CENPP: variants seen among roughly 807,000 people sequenced by gnomAD.
CENPP encodes centromere protein P.
CENPP carries 24 observed loss-of-function variants against 35.6 expected under a neutral mutation model. The ratio of observed to expected loss-of-function variants is 0.67; its 90% CI spans 0.49 to 0.95. CENPP has a LOEUF of 0.95. Among genes scored for constraint, CENPP ranks in the 40% least tolerant of loss-of-function variants. The pLI is 0.00. For synonymous variants in CENPP, 120 were observed against 125.5 expected, an observed-to-expected ratio of 0.96 and a Z score of 0.29; for missense variants, 332 against 345.3, an observed-to-expected ratio of 0.96 and a Z score of 0.31.
intron 4 of CENPP, among the ~76,000 whole-genome samples, chr9:92,371,877 T>A (rs1842012971): frequency 6.7e-6 from 1 of 149,734 alleles, no homozygotes; most frequent in Non-Finnish European, 1.5e-5. Context: ...GTTGTTTTTT[T>A]TTTTTTGAGA....
At chr9:92,417,744 G>T (rs1446438994) in intron 5 of CENPP, among the ~76,000 whole-genome samples, 3 of 151,968 alleles carry the variant, frequency 2.0e-5, no homozygotes, top group African/African-American at 7.3e-5. Flanking sequence ...TTTTGTGACA[G>T]TGTCTCCTCT....
At chr9:92,380,039 T>C (rs2130867693) in intron 5 of CENPP, among the ~76,000 whole-genome samples, 180 bp downstream of exon 5, 1 of 152,364 alleles carries the variant, frequency 6.6e-6, no homozygotes, top group Middle Eastern at 3.4e-3. Context: ...TACAAATCAG[T>C]GAACAATTTA....
chr9:92,575,001 G>T (rs1850245047), intron 5 of CENPP, among the ~76,000 whole-genome samples: 1 of 152,120 alleles, frequency 6.6e-6, no homozygotes, highest in Non-Finnish European at 1.5e-5. Context: ...TGGAAATCTG[G>T]ATATCCACAT....
At chr9:92,516,637 G>C (rs1367340293) in intron 5 of CENPP, 2 of 152,096 alleles carry the variant, frequency 1.3e-5, no homozygotes, top group Non-Finnish European at 2.9e-5. Context: ...GTATATCCAA[G>C]TTTATTTTTC....
intron 5 of CENPP, among the ~76,000 whole-genome samples, chr9:92,443,589 T>C (rs1456911557): frequency 6.6e-6 from 1 of 152,074 alleles, no homozygotes; most frequent in African/African-American, 2.4e-5. Flanking sequence ...AATATGGAAA[T>C]GCAAAGGACC....
chr9:92,539,550 C>T (rs560859935), intron 5 of CENPP, among the ~76,000 whole-genome samples: 74 of 151,974 alleles, frequency 4.9e-4, no homozygotes, highest in Non-Finnish European at 9.4e-4. Flanking sequence ...TTAAGTATAG[C>T]CTACTTACTA....
At chr9:92,366,240 A>G (rs1022727161) in intron 4 of CENPP, among the ~76,000 whole-genome samples, 3 of 151,980 alleles carry the variant, frequency 2.0e-5, no homozygotes, top group Non-Finnish European at 4.4e-5. Context: ...AAACTTATAT[A>G]TTTATGAATT....
At chr9:92,571,907 C>CTTTTTT (rs145507230) in intron 5 of CENPP, among the ~76,000 whole-genome samples, 4 of 127,144 alleles carry the variant, frequency 3.1e-5, no homozygotes, top group African/African-American at 3.1e-5. Context: ...TGCAACTCCT[C>CTTTTTT]TTTTTTTTTT....
At chr9:92,511,518 C>T (rs1847342589) in intron 5 of CENPP, among the ~76,000 whole-genome samples, 2 of 151,438 alleles carry the variant, frequency 1.3e-5, no homozygotes, top group Admixed American at 6.6e-5. Context: ...TTTCCCTCTT[C>T]TTCCCCAAGC....
At chr9:92,472,688 T>C (rs1207929609) in intron 5 of CENPP, among the ~76,000 whole-genome samples, 1 of 151,956 alleles carries the variant, frequency 6.6e-6, no homozygotes, top group East Asian at 1.9e-4. Context: ...AAAATAAAAT[T>C]GATACTTTCT....
At chr9:92,577,147 T>G (rs1387783914) in intron 5 of CENPP, among the ~76,000 whole-genome samples, 1 of 152,194 alleles carries the variant, frequency 6.6e-6, no homozygotes, top group East Asian at 1.9e-4. Flanking sequence ...TCTGTAAAAT[T>G]TGAAGATTCA....
At chr9:92,401,225 G>A (rs1564300975) in intron 5 of CENPP, 1 of 888,148 alleles carries the variant, frequency 1.1e-6, no homozygotes, top group Non-Finnish European at 1.9e-6. Context: ...GCTTCATTAA[G>A]TCTGTGTTTC....
intron 5 of CENPP, among the ~76,000 whole-genome samples, chr9:92,431,306 A>G (rs1844103282): frequency 6.6e-6 from 1 of 152,064 alleles, no homozygotes; most frequent in Non-Finnish European, 1.5e-5. Flanking sequence ...ACGTTATATT[A>G]TTTCCCTTTG....
At chr9:92,359,881 T>TGAA (rs1479864213) in intron 4 of CENPP, among the ~76,000 whole-genome samples, 3 of 145,170 alleles carry the variant, frequency 2.1e-5, no homozygotes, top group African/African-American at 7.7e-5. Flanking sequence ...GGGGTGGGGG[T>TGAA]GAAGAAATGG....
intron 5 of CENPP, among the ~76,000 whole-genome samples, chr9:92,459,205 C>T (rs1231178805): frequency 1.3e-5 from 2 of 152,176 alleles, no homozygotes; most frequent in African/African-American, 4.8e-5. Context: ...CATGTCTATC[C>T]TAGCACCACA....
At chr9:92,482,246 G>A (rs945546348) in intron 5 of CENPP, 1 of 152,024 alleles carries the variant, frequency 6.6e-6, no homozygotes, top group Non-Finnish European at 1.5e-5. Context: ...CCTTAGTATT[G>A]ACTGTAAAGT....
chr9:92,458,092 T>C (rs781230290), intron 5 of CENPP, among the ~76,000 whole-genome samples: 2 of 152,192 alleles, frequency 1.3e-5, no homozygotes, highest in Admixed American at 6.6e-5. Context: ...TAATATAGCA[T>C]CAATAATTGA....
intron 5 of CENPP, chr9:92,403,780 TTAAAA>T (rs1470568500): frequency 2.7e-5 from 16 of 591,302 alleles, no homozygotes; most frequent in South Asian, 2.3e-4. Context: ...GTATAAATAG[TTAAAA>T]TAAAGTCCCA....
chr9:92,386,100 C>A (rs1842408400), intron 5 of CENPP: 1 of 904,496 alleles, frequency 1.1e-6, no homozygotes, highest in Non-Finnish European at 1.8e-6. Flanking sequence ...CTACAGTGAT[C>A]TAACCAAAAT....
Sources: gnomAD v4.1 joint callset for allele counts (sites outside exome capture counted in the v4.1 genomes callset) on GRCh38, gnomAD v4.1.1 for gene constraint, MANE v1.5 for transcripts, NCBI Gene and HGNC (gene_info 2026-07-23, HGNC 2026-07-21) for gene names.